TTN: variants seen among roughly 807,000 people sequenced by gnomAD.
The protein encoded by TTN is titin.
In TTN, 1,525 loss-of-function variants were observed where a neutral mutation model predicts 3,223.0. The observed-to-expected ratio is 0.47, with a 90% CI of 0.45 to 0.49. The LOEUF (loss-of-function observed/expected upper bound fraction) is 0.49, where lower values mean the gene tolerates loss of function less well. TTN is among the 20% of genes least tolerant of loss of function. The pLI is 0.00. For synonymous variants in TTN, 14,094 were observed against 15,161.0 expected (o/e 0.93, Z 5.17); for missense variants, 40,786 against 43,424.0 (o/e 0.94, Z 5.40).
At position 178,769,765 on chromosome 2, in the gene TTN, A is replaced by G; in HGVS notation, c.8816T>C (p.Ile2939Thr). 6.2e-7 allele frequency: 1 copy of G among 1,613,978 alleles called. No individual in the cohort carries two copies. Among genetic ancestry groups the G allele is most frequent in the African/African-American group, 1.3e-5 (1 of 74,970 alleles). Residue 2939 changes from isoleucine (I) to threonine (T), a missense_variant, in exon 37 of 363, where the codon ATC (isoleucine) becomes ACC (threonine). Physicochemically the swap from Ile to Thr is moderately conservative, Grantham distance 89 (BLOSUM62 -1). Coordinates refer to ENST00000589042, the MANE Select transcript of TTN (RefSeq NM_001267550.2). ...GTCCTCTGTGCTGGTGTTCATGATG[A>G]TCAGCTGATGGAGTTTTCCCTGCAC... ...IVVQGKLHQL[I>T]IMNTSTEDSA...
Position 178,724,557 on chromosome 2 carries a change from T to A in TTN, c.20837-19A>T. Reference sequence around the variant, plus strand: ...GCGGGCTCTGAAATAAAACGTGATATCCATCTGTCAAAGTCTGGGATCTTT... The same window carrying A: ...GCGGGCTCTGAAATAAAACGTGATAACCATCTGTCAAAGTCTGGGATCTTT... On this transcript the variant is annotated intron_variant, in intron 71 of 362. Coordinates refer to ENST00000589042, the MANE Select transcript of TTN (RefSeq NM_001267550.2). The A allele has an allele frequency of 1.3e-6, 2 of 1,558,632 alleles. No homozygotes were observed. The highest frequency in any genetic ancestry group is 1.7e-6 in the Non-Finnish European group (2 of 1,151,352).
In TTN at chr2:178,545,519, T is replaced by A; in HGVS notation, c.95591A>T (p.Tyr31864Phe). 6.2e-7 allele frequency: 1 copy of A among 1,613,702 alleles called. No individual in the cohort carries two copies. Among genetic ancestry groups the A allele is most frequent in the Non-Finnish European group, 8.5e-7 (1 of 1,179,668 alleles). ...GCTGGTCACCTTCAGCCTGGTATCA[T>A]ACACCACATAGTCTTTGTTGACACG... is the stretch of plus-strand genomic sequence containing the variant. ...WTRVNKDYVV[Y>F]DTRLKVTSLM... The change falls in exon 344 of 363, where the codon TAT (tyrosine) becomes TTT (phenylalanine). Residue 31864 changes from tyrosine to phenylalanine, a missense_variant. Physicochemically the swap from Tyr to Phe is conservative, Grantham distance 22 (BLOSUM62 3). Coordinates refer to ENST00000589042, the MANE Select transcript of TTN (RefSeq NM_001267550.2).
In TTN at chr2:178,551,275, G is replaced by A; in HGVS notation, c.91271-15C>T. On this transcript the variant is annotated splice_polypyrimidine_tract_variant and intron_variant, in intron 335 of 362. Coordinates refer to ENST00000589042, the MANE Select transcript of TTN (RefSeq NM_001267550.2). Reference sequence around the variant, plus strand: ...GCCAGGTGGGTCTAAAAAATTATAAGGAAGGTAAATGCATCATTACATTTG... The same window carrying A: ...GCCAGGTGGGTCTAAAAAATTATAAAGAAGGTAAATGCATCATTACATTTG... 6.2e-7 allele frequency: 1 copy of A among 1,602,850 alleles called. No homozygotes were observed. The highest frequency in any genetic ancestry group is 8.5e-7 in the Non-Finnish European group (1 of 1,177,002).
At chr2:178,665,022 C>T in intron 165 of TTN, 96 bp from the exon 166 acceptor site, 1 of 1,369,054 alleles carries the variant, frequency 7.3e-7, no homozygotes, top group Admixed American at 2.1e-5. Flanking sequence ...ATTTTCTTCT[C>T]TTTCCTCCAT....
Position 178,786,154 on chromosome 2 carries a change from T to A in TTN, c.2077-13A>T. 3 of 1,613,148 alleles carry A rather than the reference T, an allele frequency of 1.9e-6. No individual in the cohort carries two copies. The highest frequency in any genetic ancestry group is 2.5e-6 in the Non-Finnish European group (3 of 1,179,762). ...TTCCAACGTCCACCTGGAGACAAGG[T>A]TTCCAGAATTAATACATAGGAATAT... On this transcript the variant is annotated splice_polypyrimidine_tract_variant and intron_variant, in intron 13 of 362. Coordinates refer to ENST00000589042, the MANE Select transcript of TTN (RefSeq NM_001267550.2).
At position 178,616,553 on chromosome 2, in the gene TTN, C is replaced by T. The variant is rs1397418209; in HGVS notation, c.48238G>A (p.Asp16080Asn). Reference protein sequence around the residue: ...DSVHLTWEPPDDDGGSPLTGY... With the variant: ...DSVHLTWEPPNDDGGSPLTGY... The stretch of plus-strand genomic sequence containing the variant: ...GTTAACGGACTTCCTCCATCATCAT[C>T]AGGTGGTTCCCAAGTCAAATGTACT... Residue 16080 changes from aspartate (D) to asparagine (N), a missense_variant, in exon 257 of 363, where the codon GAT (aspartate) becomes AAT (asparagine). Coordinates refer to ENST00000589042, the MANE Select transcript of TTN (RefSeq NM_001267550.2). The T allele has an allele frequency of 6.2e-7, 1 of 1,612,430 alleles. No individual in the cohort carries two copies. The highest frequency in any genetic ancestry group is 2.2e-5 in the East Asian group (1 of 44,710).
In TTN at chr2:178,714,450, T is replaced by G. The variant is rs758590305; in HGVS notation, c.26324A>C (p.Glu8775Ala). ...TATGTTGTCACTTTCTCTAACGATT[T>G]CTCCCTTATCTTTGAACCACACCAC... ...ISVVWFKDKG[E>A]IVRESDNIWI... is the part of the protein sequence containing the mutation. Residue 8775 changes from glutamate (E) to alanine (A), a missense_variant, in exon 91 of 363, where the codon GAA becomes GCA. By Grantham distance (107) the Glu-to-Ala change is moderately radical. Transcript: ENST00000589042. 6.2e-7 allele frequency: 1 copy of G among 1,613,662 alleles called. No homozygotes were observed. Among genetic ancestry groups the G allele is most frequent in the Non-Finnish European group, 8.5e-7 (1 of 1,179,700 alleles).
Position 178,559,795 on chromosome 2 carries a change from T to C in TTN, c.86337A>G (p.Arg28779=), listed in dbSNP as rs1702952532. ...ACAAGACATTGGGTACTGGTCTTCC[T>C]CGGAAAGGCACAGTCATGGTAAATG... ...GASFTMTVPF[R]GRPVPNVLWS... The change falls in exon 326 of 363, where the codon CGA becomes CGG. Residue 28779 remains arginine, a synonymous_variant. Coordinates refer to ENST00000589042, the MANE Select transcript of TTN (RefSeq NM_001267550.2). The C allele has an allele frequency of 6.2e-7, 1 of 1,608,132 alleles. No homozygotes were observed. Among genetic ancestry groups the C allele is most frequent in the Non-Finnish European group, 8.5e-7 (1 of 1,178,012 alleles).
In TTN at chr2:178,767,879, T is replaced by C; in HGVS notation, c.9351A>G (p.Pro3117=). Residue 3117 remains proline (P), a synonymous_variant, in exon 40 of 363, where the codon CCA becomes CCG. Coordinates refer to ENST00000589042, the MANE Select transcript of TTN (RefSeq NM_001267550.2). ...TCCCAGCATCAGACATCCGGGTGGA[T>C]GGGATCAGAAGGCGGTGGACATATT... The part of the protein sequence containing the change: ...KEKYVHRLLI[P]STRMSDAGKY... 6.2e-7 allele frequency: 1 copy of C among 1,614,146 alleles called. No homozygotes were observed. The highest frequency in any genetic ancestry group is 8.5e-7 in the Non-Finnish European group (1 of 1,180,008).
At position 178,548,252 on chromosome 2, in the gene TTN, G is replaced by C; in HGVS notation, c.93374C>G (p.Thr31125Ser). Residue 31125 changes from threonine to serine, a missense_variant, in exon 339 of 363, where the codon ACT becomes AGT. Physicochemically the swap from Thr to Ser is moderately conservative, Grantham distance 58. Coordinates refer to ENST00000589042, the MANE Select transcript of TTN (RefSeq NM_001267550.2). The surrounding 1 kb of genome is among the most constrained non-coding windows in gnomAD (Gnocchi z 4.3). ...APPRRLDVVDTSKSSAVLAWL... is the reference protein window; with the variant it reads ...APPRRLDVVDSSKSSAVLAWL... ...AGCTAAGACTGCGGAGGATTTGCTA[G>C]TATCAACAACATCAAGTCTCCTAGG... 1.2e-6 allele frequency: 2 copies of C among 1,613,828 alleles called. No individual in the cohort carries two copies. Among genetic ancestry groups the C allele is most frequent in the Non-Finnish European group, 1.7e-6 (2 of 1,179,812 alleles).
rs1363833448 is a variant in TTN at position 178,534,863 on chromosome 2, T to C, written c.101752A>G (p.Ser33918Gly). 1 of 1,608,486 alleles carries C rather than the reference T, an allele frequency of 6.2e-7. No individual in the cohort carries two copies. Among genetic ancestry groups the C allele is most frequent in the African/African-American group, 1.3e-5 (1 of 74,920 alleles). Reference sequence around the variant, plus strand: ...GCTTCACAGACCTGGTGAACATAACTTACAATTTCTCTTTCATTAAGTTCA... The same window carrying C: ...GCTTCACAGACCTGGTGAACATAACCTACAATTTCTCTTTCATTAAGTTCA... The part of the protein sequence containing the change: ...AFELNEREIV[S>G]YVHQVCEALQ... The change falls in exon 358 of 363, where the codon AGT (serine) becomes GGT (glycine). Residue 33918 changes from serine to glycine, a missense_variant. Ser to Gly is a moderately conservative substitution (Grantham distance 56). Transcript: ENST00000589042.
chr2:178,780,334 A>C, intron 21 of TTN, 129 bp from the exon 22 acceptor site: 1 of 759,324 alleles, frequency 1.3e-6, no homozygotes, highest in Non-Finnish European at 2.2e-6. Context: ...AATATCTACT[A>C]TTGAAGTGCT....
chr2:178,640,647 T>C lies in TTN; in HGVS notation c.40634-17A>G, dbSNP rs767117437. ...GTTCTGGTACTTTAAGATAAGATTATTTTTTCAGTGTTAATATTTGAATAT... is the reference window on the plus strand; with the variant it reads ...GTTCTGGTACTTTAAGATAAGATTACTTTTTCAGTGTTAATATTTGAATAT... On this transcript the variant is annotated splice_polypyrimidine_tract_variant and intron_variant, in intron 220 of 362. Coordinates refer to ENST00000589042, the MANE Select transcript of TTN (RefSeq NM_001267550.2). 2 of 1,551,450 alleles carry C rather than the reference T, an allele frequency of 1.3e-6. No individual in the cohort carries two copies. The highest frequency in any genetic ancestry group is 1.7e-6 in the Non-Finnish European group (2 of 1,151,852).
rs778875384 is a variant in TTN at position 178,667,540 on chromosome 2, G to C, written c.35630-15C>G. On this transcript the variant is annotated splice_polypyrimidine_tract_variant and intron_variant, in intron 160 of 362. Transcript: ENST00000589042. ...TGGCTCAGGCACTTAAAAGATATGAGTATAGTTATATTTATAAATGGTGAA... is the reference window on the plus strand; with the variant it reads ...TGGCTCAGGCACTTAAAAGATATGACTATAGTTATATTTATAAATGGTGAA... 2 of 1,588,700 alleles carry C rather than the reference G, an allele frequency of 1.3e-6. No individual in the cohort carries two copies. Among genetic ancestry groups the C allele is most frequent in the Non-Finnish European group, 1.7e-6 (2 of 1,175,076 alleles).
Position 178,775,560 on chromosome 2 carries a change from C to A in TTN, c.6304G>T (p.Val2102Leu), listed in dbSNP as rs767322897. Residue 2102 changes from valine (V) to leucine (L), a missense_variant, in exon 28 of 363, where the codon GTG becomes TTG. By Grantham distance (32) the Val-to-Leu change is conservative. Transcript: ENST00000589042. ...GSDAHFRVRV[V>L]GKPDPECEWY... ...TCACATTCGGGGTCTGGTTTCCCCACGACTCTGACCCGGAAGTGTGCATCA... is the reference window on the plus strand; with the variant it reads ...TCACATTCGGGGTCTGGTTTCCCCAAGACTCTGACCCGGAAGTGTGCATCA... 2.8e-5 allele frequency: 45 copies of A among 1,613,908 alleles called. No individual in the cohort carries two copies. Among genetic ancestry groups the A allele is most frequent in the Non-Finnish European group, 3.5e-5 (41 of 1,179,998 alleles).
In TTN at chr2:178,549,039, C is replaced by T. The variant is rs1175884597; in HGVS notation, c.92587G>A (p.Ala30863Thr). ...ACCTTGTGCCAGTCTCCTAAGTCGG[C>T]CTTACACATTTCAATAATATACCCA... ...IIGYIIEMCK[A>T]DLGDWHKVNA... Residue 30863 changes from alanine to threonine, a missense_variant, in exon 339 of 363, where the codon GCC becomes ACC. Coordinates refer to ENST00000589042, the MANE Select transcript of TTN (RefSeq NM_001267550.2). The T allele has an allele frequency of 1.2e-6, 2 of 1,613,884 alleles. No homozygotes were observed. The highest frequency in any genetic ancestry group is 2.7e-5 in the African/African-American group (2 of 75,036).
Position 178,552,071 on chromosome 2 carries a change from A to G in TTN, c.90829T>C (p.Ser30277Pro). 1 of 1,613,784 alleles carries G rather than the reference A, an allele frequency of 6.2e-7. No individual in the cohort carries two copies. Among genetic ancestry groups the G allele is most frequent in the Non-Finnish European group, 8.5e-7 (1 of 1,179,786 alleles). ...TTGAAAGTCGTTCTGGCAACACTTG[A>G]ACACACCATCTTCCAGTTAGTTTGT... Reference protein sequence around the residue: ...TSQTNWKMVCSSVARTTFKVP... With the variant: ...TSQTNWKMVCPSVARTTFKVP... The change falls in exon 335 of 363, where the codon TCA becomes CCA. Residue 30277 changes from serine to proline, a missense_variant. Coordinates refer to ENST00000589042, the MANE Select transcript of TTN (RefSeq NM_001267550.2).
At position 178,588,159 on chromosome 2, in the gene TTN, A is replaced by C; in HGVS notation, c.63248T>G (p.Leu21083Arg). 1.2e-6 allele frequency: 2 copies of C among 1,608,642 alleles called. No individual in the cohort carries two copies. The highest frequency in any genetic ancestry group is 1.7e-6 in the Non-Finnish European group (2 of 1,176,090). ...ATCATAGACTGGTTTTCCCCACCCA[A>C]GAGTTATGGAATGTTTGGTTGTATC... ...VVDTTKHSITLGWGKPVYDGG... is the reference protein window; with the variant it reads ...VVDTTKHSITRGWGKPVYDGG... Residue 21083 changes from leucine to arginine, a missense_variant, in exon 305 of 363, where the codon CTT (leucine) becomes CGT (arginine). Coordinates refer to ENST00000589042, the MANE Select transcript of TTN (RefSeq NM_001267550.2).
rs763157776 is a variant in TTN, at chr2:178,571,616, C to G, written c.74516G>C (p.Ser24839Thr). 3.7e-6 allele frequency: 6 copies of G among 1,613,158 alleles called. No individual in the cohort carries two copies. The highest frequency in any genetic ancestry group is 5.1e-6 in the Non-Finnish European group (6 of 1,179,576). ...SWGPPKYDGG[S>T]SINNYIVEKR... is the part of the protein sequence containing the mutation. ...CTCAACAATGTAATTATTGATAGAACTTCCACCATCATACTTGGGTGGGCC... is the reference window on the plus strand; with the variant it reads ...CTCAACAATGTAATTATTGATAGAAGTTCCACCATCATACTTGGGTGGGCC... The change falls in exon 326 of 363, where the codon AGT becomes ACT. Residue 24839 changes from serine (S) to threonine (T), a missense_variant. Transcript: ENST00000589042.
Sources: gnomAD v4.1 joint callset for allele counts on GRCh38, gnomAD v4.1.1 for gene constraint, Gnocchi (gnomAD v3.1) non-coding constraint, MANE v1.5 for transcripts, NCBI Gene and HGNC (gene_info 2026-07-23, HGNC 2026-07-21) for gene names.